The following ZFP64 variants were observed in gnomAD, a reference collection of about 807,000 sequenced individuals.
ZFP64 encodes zinc finger protein 64.
In ZFP64, 14 loss-of-function variants were observed where a neutral mutation model predicts 51.6. That is an observed-to-expected ratio of 0.27 (90% confidence interval 0.18 to 0.42). The LOEUF is 0.42. ZFP64 is among the 10% of genes least tolerant of loss of function. ZFP64 has a pLI of 1.00. For missense variants in ZFP64, 754 were observed against 906.8 expected, an observed-to-expected ratio of 0.83 and a Z score of 2.16; for synonymous variants, 375 against 361.4, an observed-to-expected ratio of 1.04 and a Z score of -0.43.
At chr20:52,116,808 G>T (rs1978897942) in intron 5 of ZFP64, among the ~76,000 whole-genome samples, 1 of 152,138 alleles carries the variant, frequency 6.6e-6, no homozygotes, top group Non-Finnish European at 1.5e-5. Context: ...ACTGGCTCAC[G>T]CCTGTAATCT....
At chr20:52,168,058 C>A (rs1187920802) in intron 2 of ZFP64, among the ~76,000 whole-genome samples, 1 of 152,032 alleles carries the variant, frequency 6.6e-6, no homozygotes, top group Admixed American at 6.6e-5. Context: ...TGGGCTTTTC[C>A]TGACTTCTTT....
rs377308777 is a variant in ZFP64 at position 52,153,443 on chromosome 20, T to G, written c.764-15A>C. On this transcript the variant is annotated splice_polypyrimidine_tract_variant and intron_variant, in intron 5 of 5. Transcript: ENST00000216923. The surrounding 1 kb of genome is among the most constrained non-coding windows in gnomAD (Gnocchi z 5.1). ...GGGGGCGTCCCCTGTCAACACAAGG[T>G]GAGTTTCGATAAGAACAGGCAGGCA... is the stretch of plus-strand genomic sequence containing the variant. The G allele has an allele frequency of 5.0e-6, 8 of 1,607,234 alleles. No homozygotes were observed. Among genetic ancestry groups the G allele is most frequent in the Non-Finnish European group, 6.8e-6 (8 of 1,176,020 alleles).
intron 5 of ZFP64, among the ~76,000 whole-genome samples, chr20:52,102,810 T>A: frequency 6.6e-6 from 1 of 152,238 alleles, no homozygotes; most frequent in East Asian, 1.9e-4. Context: ...GGCCGTCTCA[T>A]TAGCTTAGAT....
intron 2 of ZFP64, among the ~76,000 whole-genome samples, chr20:52,183,188 T>G (rs1047203785): frequency 1.3e-5 from 2 of 152,116 alleles, no homozygotes; most frequent in African/African-American, 4.8e-5. Flanking sequence ...GACCCTTTTT[T>G]GTGAAGATTG....
At chr20:52,115,706 C>T (rs963058908) in intron 5 of ZFP64, among the ~76,000 whole-genome samples, 1 of 152,062 alleles carries the variant, frequency 6.6e-6, no homozygotes, top group Non-Finnish European at 1.5e-5. Context: ...TGAGACATAG[C>T]ACCCAGCCTG....
chr20:52,175,451 A>AT (rs887644721), intron 2 of ZFP64, among the ~76,000 whole-genome samples: 2 of 152,084 alleles, frequency 1.3e-5, no homozygotes, highest in Non-Finnish European at 2.9e-5. Context: ...AGGTCTCTTG[A>AT]TTTTTTTGTG....
intron 5 of ZFP64, among the ~76,000 whole-genome samples, chr20:52,142,489 G>A (rs1980321480): frequency 6.6e-6 from 1 of 151,334 alleles, no homozygotes; most frequent in South Asian, 2.1e-4. Flanking sequence ...TCACCTCTAT[G>A]CAATATATCC....
intron 1 of ZFP64, among the ~76,000 whole-genome samples, chr20:52,189,414 A>G (rs528254152): frequency 6.6e-6 from 1 of 151,924 alleles, no homozygotes; most frequent in East Asian, 1.9e-4. Flanking sequence ...AAAATTGCAT[A>G]AGATCATAAT....
At chr20:52,129,246 G>T (rs933987245) in intron 5 of ZFP64, among the ~76,000 whole-genome samples, 5 of 151,508 alleles carry the variant, frequency 3.3e-5, no homozygotes, top group Non-Finnish European at 7.4e-5. Context: ...CACGCCCGGT[G>T]AATTTTTTTT....
intron 2 of ZFP64, among the ~76,000 whole-genome samples, chr20:52,181,768 G>A (rs1449988499): frequency 2.0e-5 from 3 of 152,202 alleles, no homozygotes; most frequent in African/African-American, 7.2e-5. Context: ...AGGAGGTGGA[G>A]CCCGGGCACC....
At chr20:52,184,947 C>T (rs529840003) in intron 2 of ZFP64, among the ~76,000 whole-genome samples, 4 of 152,200 alleles carry the variant, frequency 2.6e-5, no homozygotes, top group African/African-American at 2.4e-5. Context: ...TCTCTCTTGA[C>T]GTATACATAC....
chr20:52,190,107 C>G (rs1304747817), intron 1 of ZFP64, among the ~76,000 whole-genome samples: 1 of 152,160 alleles, frequency 6.6e-6, no homozygotes, highest in Admixed American at 6.6e-5. Context: ...CTGGGCTGAG[C>G]ACTGTGATAA....
downstream of ZFP64, among the ~76,000 whole-genome samples, chr20:52,148,787 A>T (rs1980649453): frequency 6.6e-6 from 1 of 152,216 alleles, no homozygotes; most frequent in African/African-American, 2.4e-5. Context: ...CACTAAAGGG[A>T]AAACCAGTTT....
chr20:52,093,237 T>A (rs916344849), intron 7 of ZFP64, among the ~76,000 whole-genome samples: 1 of 152,016 alleles, frequency 6.6e-6, no homozygotes, highest in Non-Finnish European at 1.5e-5. Context: ...GCCTCCCAGG[T>A]TCAAGCGATT....
chr20:52,150,459 T>G (rs1980737540), downstream of ZFP64, among the ~76,000 whole-genome samples: 1 of 152,098 alleles, frequency 6.6e-6, no homozygotes, highest in Admixed American at 6.6e-5. Flanking sequence ...AGCAGAACAG[T>G]TTTTCTAAAG....
chr20:52,168,045 G>A (rs1269560621), intron 2 of ZFP64, among the ~76,000 whole-genome samples: 2 of 151,854 alleles, frequency 1.3e-5, no homozygotes, highest in Non-Finnish European at 2.9e-5. Context: ...TATATTTATC[G>A]AATGGGCTTT....
chr20:52,157,831 C>T (rs961441983), intron 5 of ZFP64, among the ~76,000 whole-genome samples: 2 of 152,274 alleles, frequency 1.3e-5, no homozygotes, highest in African/African-American at 4.8e-5. Flanking sequence ...CCTCCCACCC[C>T]TTGACAGGCC....
intron 5 of ZFP64, among the ~76,000 whole-genome samples, chr20:52,140,873 G>T (rs1980220828): frequency 1.3e-5 from 2 of 152,176 alleles, no homozygotes; most frequent in African/African-American, 4.8e-5. Flanking sequence ...AAGCTTCAAA[G>T]GATAGGCTGA....
intron 7 of ZFP64, among the ~76,000 whole-genome samples, chr20:52,092,902 A>G (rs1424483992): frequency 6.6e-6 from 1 of 151,982 alleles, no homozygotes; most frequent in African/African-American, 2.4e-5. Flanking sequence ...AACAATGACA[A>G]ATTATGCTAA....
Sources: gnomAD v4.1 joint callset for allele counts (sites outside exome capture counted in the v4.1 genomes callset) on GRCh38, gnomAD v4.1.1 for gene constraint, Gnocchi (gnomAD v3.1) non-coding constraint, MANE v1.5 for transcripts, NCBI Gene and HGNC (gene_info 2026-07-23, HGNC 2026-07-21) for gene names.